Variants in ZNF385B observed in about 807,000 individuals in gnomAD.
ZNF385B encodes zinc finger protein 533.
In ZNF385B, 23 loss-of-function variants were observed where a neutral mutation model predicts 39.2. The observed-to-expected ratio is 0.59, with a 90% CI of 0.42 to 0.83. The LOEUF is 0.83. Ranked by LOEUF, ZNF385B falls within the 40% of genes least tolerant of loss-of-function variation. The pLI, the probability that ZNF385B is intolerant of heterozygous loss-of-function variation, is 0.00. For synonymous variants in ZNF385B, 205 were observed against 222.6 expected (o/e 0.92, Z 0.70); for missense variants, 552 against 598.9 (o/e 0.92, Z 0.82).
At position 179,453,388 on chromosome 2, in the gene ZNF385B, C is replaced by T. The variant is rs925998898; in HGVS notation, c.716-6618G>A. On this transcript the variant is annotated intron_variant, in intron 6 of 9. Coordinates refer to ENST00000410066, the MANE Select transcript of ZNF385B (RefSeq NM_152520.6). The stretch of plus-strand genomic sequence containing the variant: ...TTTATAAAATTTAGTAGAACTGGTC[C>T]AGCTGCCAGCACCCTATCACCCACC... Among the ~76,000 whole-genome samples the T allele has an allele frequency of 2.0e-5, 3 of 152,210 alleles. No homozygotes were observed. In the South Asian group the frequency reaches 6.2e-4, roughly 32 times the overall value.
At chr2:179,572,029 T>C (rs148480009) in intron 3 of ZNF385B, among the ~76,000 whole-genome samples, 321 of 151,694 alleles carry the variant, frequency 2.1e-3, no homozygotes, top group African/African-American at 7.6e-3. Context: ...GGCCTGGGAG[T>C]GGCCTCAGGG....
In ZNF385B at chr2:179,493,765, ATACATATATG is replaced by A. The variant is rs1304675065; in HGVS notation, c.553-10341_553-10332del. On this transcript the variant is annotated intron_variant, in intron 5 of 9. Transcript: ENST00000410066. ...TACATATGTGTATATACATATATGT[ATACATATATG>A]TATATACACATATGTATACATATAT... 1.1e-4 allele frequency among the ~76,000 whole-genome samples: 10 copies of A among 90,134 alleles called. No homozygotes were observed. In the South Asian group the frequency reaches 2.8e-3, roughly 25 times the overall value. The allele number at this position is 90,134 out of a possible 152,430, so 59.1% of individuals were successfully genotyped here.
At chr2:179,708,121 G>A (rs1343611056) in intron 3 of ZNF385B, among the ~76,000 whole-genome samples, 1 of 152,172 alleles carries the variant, frequency 6.6e-6, no homozygotes, top group Non-Finnish European at 1.5e-5. Context: ...AGCTGATATG[G>A]TTTGGCTCTG....
intron 3 of ZNF385B, among the ~76,000 whole-genome samples, chr2:179,708,185 G>T (rs999177673): frequency 6.6e-6 from 1 of 152,182 alleles, no homozygotes; most frequent in African/African-American, 2.4e-5. Flanking sequence ...CCCACATGTC[G>T]AGGGAGGGAC....
At chr2:179,665,331 A>G (rs1490753161) in intron 3 of ZNF385B, among the ~76,000 whole-genome samples, 7 of 152,262 alleles carry the variant, frequency 4.6e-5, no homozygotes, top group Admixed American at 4.6e-4. Flanking sequence ...GCATCTCTGC[A>G]TCCATATAGA....
chr2:179,619,886 A>T (rs1401864423), intron 3 of ZNF385B, among the ~76,000 whole-genome samples: 1 of 152,230 alleles, frequency 6.6e-6, no homozygotes, highest in Non-Finnish European at 1.5e-5. Context: ...GTAATGTGGC[A>T]TGATAAAAAG....
intron 3 of ZNF385B, among the ~76,000 whole-genome samples, chr2:179,654,168 C>A (rs1693490325): frequency 6.6e-6 from 1 of 152,024 alleles, no homozygotes; most frequent in African/African-American, 2.4e-5. Context: ...AAGGGAGATC[C>A]CATGTGAAAA....
rs1553538065 is a variant in ZNF385B at position 179,807,933 on chromosome 2, G to GAAA, written c.-154-37262_-154-37261insTTT. 5.2e-3 allele frequency among the ~76,000 whole-genome samples: 506 copies of GAAA among 97,698 alleles called. 2 individuals carry two copies. The highest frequency in any genetic ancestry group is 0.017 in the African/African-American group (437 of 25,138). 64.1% of individuals were successfully genotyped at this position (97,698 alleles called of 152,430 possible). ...AAGAAAGAAAGAAAGAAAGAAAGAA[G>GAAA]GAAGGAAGGAAGGAAGGAAAGAATA... On this transcript the variant is annotated intron_variant, in intron 1 of 9. Coordinates refer to ENST00000410066, the MANE Select transcript of ZNF385B (RefSeq NM_152520.6).
chr2:179,536,980 G>C (rs894609930), intron 4 of ZNF385B, among the ~76,000 whole-genome samples: 2 of 152,158 alleles, frequency 1.3e-5, no homozygotes, highest in Non-Finnish European at 2.9e-5. Flanking sequence ...TAAGGCAAGG[G>C]ACATGAGTTA....
chr2:179,756,711 C>A (rs1208871668), intron 3 of ZNF385B, among the ~76,000 whole-genome samples: 1 of 152,148 alleles, frequency 6.6e-6, no homozygotes, highest in Non-Finnish European at 1.5e-5. Flanking sequence ...CTTCTCACTT[C>A]ATTTCATTCA....
chr2:179,580,858 C>T (rs972144682), intron 3 of ZNF385B, among the ~76,000 whole-genome samples: 6 of 152,202 alleles, frequency 3.9e-5, no homozygotes, highest in Admixed American at 6.5e-5. Flanking sequence ...GCAGGGCCAA[C>T]TGAACTCTGT....
chr2:179,464,705 ATATC>A lies in ZNF385B; in HGVS notation c.716-17939_716-17936del, dbSNP rs568955768. 1.1e-4 allele frequency among the ~76,000 whole-genome samples: 17 copies of A among 152,108 alleles called. 2 individuals carry two copies. In the South Asian group the frequency reaches 3.5e-3, roughly 32 times the overall value. ...GGCCTCTGTTCTGTTCCATTAGTCT[ATATC>A]TCTGTTTTGGTACCAGTACCATGCC... On this transcript the variant is annotated intron_variant, in intron 6 of 9. Coordinates refer to ENST00000410066, the MANE Select transcript of ZNF385B (RefSeq NM_152520.6).
chr2:179,802,815 C>T (rs533641524), intron 1 of ZNF385B: 12 of 152,246 alleles, frequency 7.9e-5, no homozygotes, highest in South Asian at 6.2e-4. Flanking sequence ...TGATACTATG[C>T]TGCTTGTTAT....
At chr2:179,583,879 C>T (rs1436414039) in intron 3 of ZNF385B, 2 of 1,297,232 alleles carry the variant, frequency 1.5e-6, no homozygotes, top group Non-Finnish European at 2.0e-6. Flanking sequence ...TGCCCTCAGT[C>T]CACATATAAA....
chr2:179,733,425 T>A (rs1559141544), intron 3 of ZNF385B, among the ~76,000 whole-genome samples: 1 of 152,250 alleles, frequency 6.6e-6, no homozygotes, highest in Non-Finnish European at 1.5e-5. Flanking sequence ...ACTTCTTTCA[T>A]CTGTTACCTT....
intron 3 of ZNF385B, among the ~76,000 whole-genome samples, chr2:179,592,886 C>A (rs763245261): frequency 5.9e-5 from 9 of 152,014 alleles, no homozygotes; most frequent in African/African-American, 9.7e-5. Context: ...GTCTCTACGA[C>A]CTTATATTAA....
chr2:179,832,583 G>A (rs1708041361), intron 1 of ZNF385B, among the ~76,000 whole-genome samples: 1 of 152,192 alleles, frequency 6.6e-6, no homozygotes, highest in Non-Finnish European at 1.5e-5. Flanking sequence ...AAATCCAGAT[G>A]TCAAGCAACC....
intron 3 of ZNF385B, among the ~76,000 whole-genome samples, chr2:179,617,085 T>C (rs1689812016): frequency 6.6e-6 from 1 of 152,196 alleles, no homozygotes; most frequent in South Asian, 2.1e-4. Flanking sequence ...AACTACCAAT[T>C]TTCTCTTGGC....
intron 5 of ZNF385B, among the ~76,000 whole-genome samples, chr2:179,507,332 G>A (rs1351125281): frequency 1.3e-5 from 2 of 152,052 alleles, no homozygotes; most frequent in African/African-American, 2.4e-5. Context: ...AACAAGCCCT[G>A]GTTTAGCTCT....
Sources: allele counts gnomAD v4.1 joint callset (sites outside exome capture counted in the v4.1 genomes callset), GRCh38; gene constraint gnomAD v4.1.1; transcripts MANE v1.5; gene names NCBI Gene and HGNC (gene_info 2026-07-23, HGNC 2026-07-21).